CSMD3: variants seen among roughly 807,000 people sequenced by gnomAD.
The protein encoded by CSMD3 is CUB and sushi domain-containing protein 3.
Under a neutral mutation model 435.2 loss-of-function variants are expected in CSMD3, and 177 were observed. That is an observed-to-expected ratio of 0.41 (90% confidence interval 0.36 to 0.46). The LOEUF is 0.46. CSMD3 is among the 20% of genes least tolerant of loss of function. The pLI, the probability that CSMD3 is intolerant of heterozygous loss-of-function variation, is 0.34. For missense variants in CSMD3, 4,265 were observed against 4,504.6 expected, an observed-to-expected ratio of 0.95 and a Z score of 1.52; for synonymous variants, 1,656 against 1,520.5, an observed-to-expected ratio of 1.09 and a Z score of -2.07.
At chr8:112,549,591 C>T (rs946339195) in intron 27 of CSMD3, among the ~76,000 whole-genome samples, 1 of 151,814 alleles carries the variant, frequency 6.6e-6, no homozygotes, top group Non-Finnish European at 1.5e-5. Context: ...TTCAAAAGTC[C>T]TTCCTTCATA....
intron 2 of CSMD3, among the ~76,000 whole-genome samples, chr8:113,300,681 C>A (rs894588388): frequency 2.0e-5 from 3 of 151,914 alleles, no homozygotes; most frequent in African/African-American, 7.3e-5. Flanking sequence ...ATACTGGGAA[C>A]TACTAGATAG....
At chr8:113,074,775 C>T (rs1436676420) in intron 5 of CSMD3, among the ~76,000 whole-genome samples, 1 of 151,550 alleles carries the variant, frequency 6.6e-6, no homozygotes, top group African/African-American at 2.4e-5. Flanking sequence ...CAAAAGAAAC[C>T]CATTATACAT....
chr8:113,039,582 C>A (rs923820291), intron 5 of CSMD3, among the ~76,000 whole-genome samples: 1 of 152,080 alleles, frequency 6.6e-6, no homozygotes, highest in Non-Finnish European at 1.5e-5. Context: ...ATGGCCTCCA[C>A]ACACATTTAT....
rs548633667 is a variant in CSMD3 at position 112,613,845 on chromosome 8, A to T, written c.3715+22972T>A. ...TATAGAAAAATTAACAGATTAGGCC[A>T]GGCATGGTGGCTCATGACTGTAATC... is the stretch of plus-strand genomic sequence containing the variant. On this transcript the variant is annotated intron_variant, in intron 22 of 70. Coordinates refer to ENST00000297405, the MANE Select transcript of CSMD3 (RefSeq NM_198123.2). Among the ~76,000 whole-genome samples, 3 of 152,254 alleles carry T rather than the reference A, an allele frequency of 2.0e-5. No homozygotes were observed. The South Asian group carries it at 6.2e-4, about 32-fold the overall frequency.
At chr8:112,430,074 T>A (rs1311136687) in intron 32 of CSMD3, among the ~76,000 whole-genome samples, 5 of 152,034 alleles carry the variant, frequency 3.3e-5, no homozygotes, top group African/African-American at 1.2e-4. Context: ...TATTTAATTT[T>A]GTCCTACACA....
intron 24 of CSMD3, among the ~76,000 whole-genome samples, chr8:112,571,728 G>A (rs987322814): frequency 2.9e-4 from 44 of 151,858 alleles, no homozygotes; most frequent in African/African-American, 1.1e-3. Context: ...AATTAGCCAG[G>A]CATGGTGGCG....
chr8:113,239,076 AT>A (rs767079215), intron 3 of CSMD3, among the ~76,000 whole-genome samples: 3 of 152,010 alleles, frequency 2.0e-5, no homozygotes, highest in Non-Finnish European at 4.4e-5. Flanking sequence ...GTAACAGGGT[AT>A]TTTTCTTGCC....
At chr8:112,571,121 C>A (rs1829477602) in intron 24 of CSMD3, among the ~76,000 whole-genome samples, 2 of 152,102 alleles carry the variant, frequency 1.3e-5, no homozygotes, top group Admixed American at 1.3e-4. Flanking sequence ...GGTTCTCCTG[C>A]CTCACCCTCC....
chr8:112,386,770 T>C (rs1563876213), intron 36 of CSMD3, among the ~76,000 whole-genome samples: 2 of 152,160 alleles, frequency 1.3e-5, no homozygotes, highest in Non-Finnish European at 2.9e-5. Flanking sequence ...GTGCTGGGAT[T>C]ACAGGCGTGA....
chr8:112,453,128 G>T (rs1290243933), intron 32 of CSMD3, among the ~76,000 whole-genome samples: 1 of 152,070 alleles, frequency 6.6e-6, no homozygotes, highest in Non-Finnish European at 1.5e-5. Flanking sequence ...TTACCAGTAA[G>T]TAAATGGCAG....
At chr8:112,921,142 G>T (rs1175703006) in intron 10 of CSMD3, among the ~76,000 whole-genome samples, 1 of 150,736 alleles carries the variant, frequency 6.6e-6, no homozygotes, top group East Asian at 2.0e-4. Flanking sequence ...ATCTTATTTG[G>T]AATTATTGAT....
intron 2 of CSMD3, among the ~76,000 whole-genome samples, chr8:113,288,580 T>A (rs75616863): frequency 0.057 from 8,675 of 151,924 alleles, 345 homozygotes; most frequent in Non-Finnish European, 0.089. Context: ...AAGGCCATCT[T>A]GAATCATTGA....
chr8:112,499,212 A>G (rs1462133598), intron 30 of CSMD3, among the ~76,000 whole-genome samples: 1 of 152,144 alleles, frequency 6.6e-6, no homozygotes, highest in African/African-American at 2.4e-5. Flanking sequence ...GCAAAAAATA[A>G]AAGAAAAAGG....
At chr8:112,946,029 A>G (rs1027907779) in intron 9 of CSMD3, among the ~76,000 whole-genome samples, 5 of 151,954 alleles carry the variant, frequency 3.3e-5, no homozygotes, top group Middle Eastern at 3.4e-3. Context: ...TGTGATTACA[A>G]CTGAATGGCT....
At chr8:112,940,309 A>G (rs535700775) in intron 9 of CSMD3, among the ~76,000 whole-genome samples, 1 of 151,792 alleles carries the variant, frequency 6.6e-6, no homozygotes, top group Non-Finnish European at 1.5e-5. Flanking sequence ...TGCTCTCAAG[A>G]GAAGCCCAAA....
chr8:112,930,271 C>T (rs2083063059), intron 9 of CSMD3, among the ~76,000 whole-genome samples: 3 of 152,096 alleles, frequency 2.0e-5, no homozygotes, highest in African/African-American at 7.2e-5. Context: ...CCCTATACTA[C>T]TATCAGACAG....
At chr8:112,987,436 G>A (rs1377154710) in intron 6 of CSMD3, among the ~76,000 whole-genome samples, 1 of 151,980 alleles carries the variant, frequency 6.6e-6, no homozygotes, top group African/African-American at 2.4e-5. Flanking sequence ...TTTAAAACAT[G>A]GCATAAAAAG....
Position 112,390,991 on chromosome 8 carries a change from A to G in CSMD3, c.5810-203T>C, listed in dbSNP as rs112416560. Among the ~76,000 whole-genome samples the G allele has an allele frequency of 7.9e-5, 12 of 152,172 alleles. 1 individual carries two copies. Among genetic ancestry groups the G allele is most frequent in the African/African-American group, 2.6e-4 (11 of 41,572 alleles). On this transcript the variant is annotated intron_variant, in intron 35 of 70. Transcript: ENST00000297405. Reference sequence around the variant, plus strand: ...AATAATTAGACAGCATTAATGGATGACCTTTGAATGGCATATCTAAAAATC... The same window carrying G: ...AATAATTAGACAGCATTAATGGATGGCCTTTGAATGGCATATCTAAAAATC...
rs774997050 is a variant in CSMD3 at position 112,291,557 on chromosome 8, A to G, written c.8927T>C (p.Ile2976Thr). The stretch of plus-strand genomic sequence containing the variant: ...GTCCCATTGTCCATTTGGTTGACAT[A>G]TCAAAACTGAAGATCCAAATAAAAA... ...GYFLFGSSVL[I>T]CQPNGQWDKP... Residue 2976 changes from isoleucine (I) to threonine (T), a missense_variant, in exon 56 of 71, where the codon ATA (isoleucine) becomes ACA (threonine). Ile to Thr is a moderately conservative substitution (Grantham distance 89, BLOSUM62 -1). This residue lies in a region of CSMD3 where 3,255 missense variants were observed against 3,380.2 expected (regional missense o/e 0.96). Coordinates refer to ENST00000297405, the MANE Select transcript of CSMD3 (RefSeq NM_198123.2). 2.2e-5 allele frequency: 36 copies of G among 1,611,646 alleles called. No individual in the cohort carries two copies. The South Asian group carries it at 3.6e-4, about 16-fold the overall frequency.
Sources: allele counts gnomAD v4.1 joint callset (sites outside exome capture counted in the v4.1 genomes callset), GRCh38; gene constraint gnomAD v4.1.1; regional missense constraint gnomAD v4.1.1; transcripts MANE v1.5; gene names NCBI Gene and HGNC (gene_info 2026-07-23, HGNC 2026-07-21).